The following INVS variants were observed in gnomAD, a reference collection of about 807,000 sequenced individuals.
INVS encodes the protein inversion of embryo turning homolog.
In INVS, 86 loss-of-function variants were observed where a neutral mutation model predicts 108.8. The observed-to-expected ratio is 0.79, with a 90% CI of 0.66 to 0.95. The LOEUF is 0.95. Ranked by LOEUF, INVS falls within the 40% of genes least tolerant of loss-of-function variation. INVS has a pLI of 0.00. For synonymous variants in INVS, 455 were observed against 473.5 expected (o/e 0.96, Z 0.51); for missense variants, 1,169 against 1,297.4 (o/e 0.90, Z 1.52).
intron 12 of INVS, among the ~76,000 whole-genome samples, chr9:100,278,567 G>T (rs776221361): frequency 6.6e-6 from 1 of 152,168 alleles, no homozygotes; most frequent in African/African-American, 2.4e-5. Context: ...ACCTTAGAAT[G>T]TTTGGTATAT....
chr9:100,194,313 A>G (rs1423850000), intron 3 of INVS, among the ~76,000 whole-genome samples: 1 of 152,088 alleles, frequency 6.6e-6, no homozygotes, highest in Non-Finnish European at 1.5e-5. Context: ...AGTGGTATTA[A>G]TTTGCATTTC....
intron 2 of INVS, among the ~76,000 whole-genome samples, chr9:100,121,657 G>A (rs761508969): frequency 6.6e-6 from 1 of 151,928 alleles, no homozygotes; most frequent in Non-Finnish European, 1.5e-5. Context: ...ACAACTTTTA[G>A]CTTCATTGAT....
intron 3 of INVS, among the ~76,000 whole-genome samples, chr9:100,171,590 T>G (rs1043876911): frequency 6.6e-6 from 1 of 152,208 alleles, no homozygotes; most frequent in African/African-American, 2.4e-5. Flanking sequence ...GTGTCTGTCC[T>G]ACATGGAGGA....
intron 5 of INVS, among the ~76,000 whole-genome samples, chr9:100,239,121 T>TC (rs1202140317): frequency 2.0e-5 from 3 of 152,192 alleles, no homozygotes; most frequent in Non-Finnish European, 4.4e-5. Context: ...CCCCAGCAGT[T>TC]CCCCTTCTAG....
Position 100,302,165 on chromosome 9 carries a change from T to G in INVS, c.*1491T>G, listed in dbSNP as rs1346349011. ...AATAAGATAGATGTGAATAAACAACTTCAAACAGGAGGTACTATGGCCTCT... is the reference window on the plus strand; with the variant it reads ...AATAAGATAGATGTGAATAAACAACGTCAAACAGGAGGTACTATGGCCTCT... On this transcript the variant is annotated 3_prime_UTR_variant, in exon 17 of 17. Coordinates refer to ENST00000262457, the MANE Select transcript of INVS (RefSeq NM_014425.5). 2 of 1,383,198 alleles carry G rather than the reference T, an allele frequency of 1.4e-6. No individual in the cohort carries two copies. Among genetic ancestry groups the G allele is most frequent in the Non-Finnish European group, 2.0e-6 (2 of 1,006,278 alleles). 85.7% of individuals were successfully genotyped at this position (1,383,198 alleles called of 1,614,324 possible). A position where few individuals can be genotyped will look rare whatever the true frequency, so the allele number is the denominator to read the frequency against.
intron 2 of INVS, among the ~76,000 whole-genome samples, chr9:100,118,074 T>C (rs1280851342): frequency 6.6e-6 from 1 of 151,652 alleles, no homozygotes; most frequent in Non-Finnish European, 1.5e-5. Context: ...TTTTTCTTTT[T>C]TTTTTTTTTT....
At chr9:100,157,863 T>C (rs1018643456) in intron 3 of INVS, among the ~76,000 whole-genome samples, 2 of 152,316 alleles carry the variant, frequency 1.3e-5, no homozygotes, top group East Asian at 3.9e-4. Context: ...TCCCAAATCA[T>C]TTTTCATTAT....
Position 100,292,648 on chromosome 9 carries a change from G to A in INVS, c.2391G>A (p.Glu797=). 6.2e-7 allele frequency: 1 copy of A among 1,614,196 alleles called. No homozygotes were observed. The highest frequency in any genetic ancestry group is 8.5e-7 in the Non-Finnish European group (1 of 1,180,032). The change falls in exon 14 of 17, where the codon GAG becomes GAA. Residue 797 remains glutamate, a synonymous_variant. Coordinates refer to ENST00000262457, the MANE Select transcript of INVS (RefSeq NM_014425.5). The stretch of plus-strand genomic sequence containing the variant: ...CCCCCCAGAAAAGGCGCACTCAAGA[G>A]CTCAGAGGAGGAAGGTGCTCTCCGG... ...KCAPQKRRTQ[E]LRGGRCSPAG...
intron 3 of INVS, among the ~76,000 whole-genome samples, chr9:100,208,961 T>TA (rs1830753210): frequency 6.6e-6 from 1 of 152,182 alleles, no homozygotes; most frequent in South Asian, 2.1e-4. Context: ...TTTTCTTTTT[T>TA]ACCAATGGGA....
At chr9:100,231,076 G>A (rs868513511) in intron 5 of INVS, among the ~76,000 whole-genome samples, 5 of 151,950 alleles carry the variant, frequency 3.3e-5, no homozygotes, top group African/African-American at 9.7e-5. Context: ...TAACTAATTC[G>A]CTAAACTCCT....
chr9:100,186,016 C>G (rs1440844775), intron 3 of INVS, among the ~76,000 whole-genome samples: 1 of 152,134 alleles, frequency 6.6e-6, no homozygotes, highest in African/African-American at 2.4e-5. Flanking sequence ...CATATGCATG[C>G]AGATGTCTTT....
chr9:100,112,939 T>A (rs1311336090), intron 2 of INVS, among the ~76,000 whole-genome samples: 1 of 152,196 alleles, frequency 6.6e-6, no homozygotes, highest in East Asian at 1.9e-4. Context: ...ACTGTTATCT[T>A]GCTAATACTA....
rs570002688 is a variant in INVS at position 100,125,492 on chromosome 9, G to T, written c.107-891G>T. ...AAAAGCAAACAAGCAAACAGAAAAC[G>T]CTTCAGGGAACTTACCACCAGGTTG... On this transcript the variant is annotated intron_variant, in intron 2 of 16. Coordinates refer to ENST00000262457, the MANE Select transcript of INVS (RefSeq NM_014425.5). Among the ~76,000 whole-genome samples the T allele has an allele frequency of 2.6e-5, 4 of 152,178 alleles. No homozygotes were observed. The East Asian group carries it at 7.7e-4, about 29-fold the overall frequency.
chr9:100,110,050 G>C (rs1827295532), intron 2 of INVS, among the ~76,000 whole-genome samples: 1 of 152,160 alleles, frequency 6.6e-6, no homozygotes, highest in South Asian at 2.1e-4. Flanking sequence ...TACTATTTCA[G>C]GTTACTTCTT....
At chr9:100,205,313 T>C (rs1002514287) in intron 3 of INVS, among the ~76,000 whole-genome samples, 1 of 152,182 alleles carries the variant, frequency 6.6e-6, no homozygotes, top group African/African-American at 2.4e-5. Flanking sequence ...TTCTGACATA[T>C]CCTTAATCTG....
Position 100,100,999 on chromosome 9 carries a change from TAA to T in INVS, c.-25+1584_-25+1585del, listed in dbSNP as rs1491255152. Among the ~76,000 whole-genome samples, 4 of 85,512 alleles carry T rather than the reference TAA, an allele frequency of 4.7e-5. No individual in the cohort carries two copies. In the South Asian group the frequency reaches 7.8e-4, roughly 17 times the overall value. The allele number at this position is 85,512 out of a possible 152,430, so 56.1% of individuals were successfully genotyped here. A position where few individuals can be genotyped will look rare whatever the true frequency, so the allele number is the denominator to read the frequency against. ...TATATATATAATATATATGTATATA[TAA>T]TATATATATTATATGTATATATATT... On this transcript the variant is annotated intron_variant, in intron 1 of 16. Coordinates refer to ENST00000262457, the MANE Select transcript of INVS (RefSeq NM_014425.5).
chr9:100,251,506 C>G lies in INVS; in HGVS notation c.1079-777C>G, dbSNP rs371847097. Among the ~76,000 whole-genome samples, 11 of 152,342 alleles carry G rather than the reference C, an allele frequency of 7.2e-5. No homozygotes were observed. The East Asian group carries it at 1.5e-3, about 21-fold the overall frequency. On this transcript the variant is annotated intron_variant, in intron 8 of 16. Coordinates refer to ENST00000262457, the MANE Select transcript of INVS (RefSeq NM_014425.5). ...TACTCTTTAAAACCTCTGGACAGCACAAGAGAGGAGGCCATATTCCATCTC... is the reference window on the plus strand; with the variant it reads ...TACTCTTTAAAACCTCTGGACAGCAGAAGAGAGGAGGCCATATTCCATCTC...
At chr9:100,165,100 T>C (rs1381236344) in intron 3 of INVS, among the ~76,000 whole-genome samples, 2 of 152,014 alleles carry the variant, frequency 1.3e-5, no homozygotes, top group African/African-American at 4.8e-5. Flanking sequence ...TTTTTTTCTT[T>C]TTTAAATTTC....
chr9:100,190,054 C>T (rs532170157), intron 3 of INVS, among the ~76,000 whole-genome samples: 3 of 152,214 alleles, frequency 2.0e-5, no homozygotes, highest in South Asian at 4.2e-4. Flanking sequence ...ACTCTGGGAG[C>T]TCCAGAGTTA....
Sources: allele counts gnomAD v4.1 joint callset (sites outside exome capture counted in the v4.1 genomes callset), GRCh38; gene constraint gnomAD v4.1.1; transcripts MANE v1.5; gene names NCBI Gene and HGNC (gene_info 2026-07-23, HGNC 2026-07-21).